The following ANKS1B variants were observed in gnomAD, a reference collection of about 807,000 sequenced individuals.
The protein encoded by ANKS1B is ankyrin repeat and sterile alpha motif domain-containing protein 1B.
ANKS1B carries 36 observed loss-of-function variants against 148.3 expected under a neutral mutation model. The ratio of observed to expected loss-of-function variants is 0.24; its 90% CI spans 0.19 to 0.32. The LOEUF (loss-of-function observed/expected upper bound fraction) is 0.32, where lower values mean the gene tolerates loss of function less well. Among genes scored for constraint, ANKS1B ranks in the 10% least tolerant of loss-of-function variants. ANKS1B has a pLI of 1.00. For missense variants in ANKS1B, 1,157 were observed against 1,542.6 expected (o/e 0.75, Z 4.19); for synonymous variants, 542 against 560.8 (o/e 0.97, Z 0.47).
intron 1 of ANKS1B, among the ~76,000 whole-genome samples, chr12:99,829,143 A>G (rs1410787478): frequency 2.0e-5 from 3 of 152,144 alleles, no homozygotes; most frequent in African/African-American, 7.2e-5. Context: ...AAAACACAGA[A>G]AACAGGAGAA....
chr12:99,171,714 A>T (rs2077775293), intron 14 of ANKS1B, among the ~76,000 whole-genome samples: 1 of 152,204 alleles, frequency 6.6e-6, no homozygotes, highest in South Asian at 2.1e-4. Context: ...AAAATTATAT[A>T]TATAGGCCAT....
intron 12 of ANKS1B, among the ~76,000 whole-genome samples, chr12:99,250,681 G>A (rs2074469057): frequency 7.6e-6 from 1 of 131,074 alleles, no homozygotes; most frequent in South Asian, 2.2e-4. Flanking sequence ...AGTTTGGGAG[G>A]GTTTGATATA....
chr12:98,969,979 A>G (rs1396509566), intron 17 of ANKS1B, among the ~76,000 whole-genome samples: 1 of 152,192 alleles, frequency 6.6e-6, no homozygotes, highest in Non-Finnish European at 1.5e-5. Context: ...TGGTGTTCAG[A>G]CCATCTAATC....
chr12:99,204,329 T>C (rs1421221526), intron 14 of ANKS1B, among the ~76,000 whole-genome samples: 1 of 152,230 alleles, frequency 6.6e-6, no homozygotes, highest in Non-Finnish European at 1.5e-5. Context: ...AAAACCGTTC[T>C]CTTGCTTCTA....
intron 8 of ANKS1B, among the ~76,000 whole-genome samples, chr12:99,727,140 G>A (rs1028949121): frequency 1.3e-5 from 2 of 151,894 alleles, no homozygotes; most frequent in South Asian, 2.1e-4. Flanking sequence ...TTCTGGCCAG[G>A]GCAATCAGGC....
intron 1 of ANKS1B, among the ~76,000 whole-genome samples, chr12:99,854,573 A>C (rs562717847): frequency 6.6e-6 from 1 of 152,316 alleles, no homozygotes; most frequent in African/African-American, 2.4e-5. Context: ...TCGCAAAAAG[A>C]TCATCACGTA....
At chr12:99,012,374 TCA>T (rs2099939963) in intron 17 of ANKS1B, among the ~76,000 whole-genome samples, 1 of 152,220 alleles carries the variant, frequency 6.6e-6, no homozygotes, top group African/African-American at 2.4e-5. Flanking sequence ...CAGGAATGTC[TCA>T]GTCTAGCATA....
intron 12 of ANKS1B, among the ~76,000 whole-genome samples, chr12:99,359,161 T>C (rs985787635): frequency 4.6e-5 from 7 of 152,154 alleles, no homozygotes; most frequent in African/African-American, 1.7e-4. Context: ...AGTATCTCAT[T>C]TGGTTTGGAA....
Position 98,882,754 on chromosome 12 carries a change from CAA to C in ANKS1B, c.2779-50620_2779-50619del, listed in dbSNP as rs5800370. Among the ~76,000 whole-genome samples, 49 of 121,428 alleles carry C rather than the reference CAA, an allele frequency of 4.0e-4. 1 individual carries two copies. Among genetic ancestry groups the C allele is most frequent in the African/African-American group, 1.1e-3 (37 of 32,228 alleles). The allele number at this position is 121,428 out of a possible 152,430, so 79.7% of individuals were successfully genotyped here. A position where few individuals can be genotyped will look rare whatever the true frequency, so the allele number is the denominator to read the frequency against. Reference sequence around the variant, plus strand: ...AACTGGGCAAGTAACTGCCATACTGCAAAAAAAAAAAAAAATTCCTTATTATT... The same window carrying C: ...AACTGGGCAAGTAACTGCCATACTGCAAAAAAAAAAAAATTCCTTATTATT... On this transcript the variant is annotated intron_variant, in intron 17 of 26. Coordinates refer to ENST00000683438, the MANE Select transcript of ANKS1B (RefSeq NM_001352186.2).
At chr12:98,971,985 T>C (rs1027248864) in intron 17 of ANKS1B, among the ~76,000 whole-genome samples, 2 of 152,090 alleles carry the variant, frequency 1.3e-5, no homozygotes, top group Non-Finnish European at 2.9e-5. Context: ...CTGGCCAACA[T>C]GGTCAAACCC....
Position 98,744,677 on chromosome 12 carries a change from T to C in ANKS1B, c.*1062A>G. The C allele has an allele frequency of 1.0e-6, 1 of 953,510 alleles. No individual in the cohort carries two copies. Among genetic ancestry groups the C allele is most frequent in the Non-Finnish European group, 1.2e-6 (1 of 802,168 alleles). The allele number at this position is 953,510 out of a possible 1,614,324, so 59.1% of individuals were successfully genotyped here. ...AAAAGTTTTATTACTTTGGAATTTC[T>C]TCTTTTTTTTTTTTGTATTTATTTT... On this transcript the variant is annotated 3_prime_UTR_variant, in exon 27 of 27. Coordinates refer to ENST00000683438, the MANE Select transcript of ANKS1B (RefSeq NM_001352186.2).
chr12:99,810,556 G>A (rs1186715763), intron 3 of ANKS1B, among the ~76,000 whole-genome samples: 3 of 151,792 alleles, frequency 2.0e-5, no homozygotes, highest in Non-Finnish European at 4.4e-5. Context: ...ATTAAAAATC[G>A]TAAGAAAGTT....
intron 17 of ANKS1B, among the ~76,000 whole-genome samples, chr12:98,928,894 C>T (rs2099811306): frequency 6.6e-6 from 1 of 151,970 alleles, no homozygotes. Context: ...AAGCTAGCTA[C>T]TCTGGTCACT....
intron 4 of ANKS1B, among the ~76,000 whole-genome samples, chr12:99,796,849 C>T (rs886723282): frequency 4.0e-5 from 6 of 151,816 alleles, no homozygotes; most frequent in Non-Finnish European, 8.8e-5. Context: ...GATAAAAATG[C>T]TATGTTAAGT....
At chr12:99,846,673 TA>T (rs528431788) in intron 1 of ANKS1B, among the ~76,000 whole-genome samples, 1 of 152,232 alleles carries the variant, frequency 6.6e-6, no homozygotes, top group East Asian at 1.9e-4. Flanking sequence ...GATACTGTGA[TA>T]TTTTGCTGCC....
chr12:98,945,505 C>CAAAAAAAAAAAAAAAAAAAAA (rs3051086), intron 17 of ANKS1B, among the ~76,000 whole-genome samples: 1 of 30,286 alleles, frequency 3.3e-5, no homozygotes, highest in African/African-American at 1.1e-4. Flanking sequence ...AACAAACAAA[C>CAAAAAAAAAAAAAAAAAAAAA]AAAAAAAAAA....
At chr12:99,059,020 A>G (rs1746984299) in intron 16 of ANKS1B, among the ~76,000 whole-genome samples, 1 of 150,366 alleles carries the variant, frequency 6.7e-6, no homozygotes, top group Non-Finnish European at 1.5e-5. Context: ...TACAGGCGTG[A>G]GCCACCGCGC....
intron 10 of ANKS1B, among the ~76,000 whole-genome samples, chr12:99,448,930 C>A (rs2095682267): frequency 6.6e-6 from 1 of 152,044 alleles, no homozygotes; most frequent in Non-Finnish European, 1.5e-5. Flanking sequence ...TAATGCTAGA[C>A]AGACTTTATT....
Position 98,751,228 on chromosome 12 carries a change from G to T in ANKS1B, c.3747+127C>A. 1.0e-6 allele frequency: 1 copy of T among 966,874 alleles called. No homozygotes were observed. Among genetic ancestry groups the T allele is most frequent in the South Asian group, 1.8e-5 (1 of 56,886 alleles). 59.9% of individuals were successfully genotyped at this position (966,874 alleles called of 1,614,324 possible). On this transcript the variant is annotated intron_variant, in intron 26 of 26. Transcript: ENST00000683438. This position sits in a 1 kb window ranked among gnomAD's most constrained non-coding sequence, Gnocchi z 4.3. ...TGATGATGGACACATGCCAGGAGGA[G>T]GCCAAGGGAAAGGATGAAGAAGAGG...
Sources: gnomAD v4.1 joint callset for allele counts (sites outside exome capture counted in the v4.1 genomes callset) on GRCh38, gnomAD v4.1.1 for gene constraint, Gnocchi (gnomAD v3.1) non-coding constraint, MANE v1.5 for transcripts, NCBI Gene and HGNC (gene_info 2026-07-23, HGNC 2026-07-21) for gene names.